Variants in PLCB2 observed in about 807,000 individuals in gnomAD.
The protein encoded by PLCB2 is 1-phosphatidylinositol 4,5-bisphosphate phosphodiesterase beta-2.
A neutral mutation model predicts 141.7 loss-of-function variants in PLCB2; 115 were observed. The observed-to-expected ratio is 0.81, with a 90% CI of 0.70 to 0.95. The LOEUF is 0.95. Ranked by LOEUF, PLCB2 falls within the 40% of genes least tolerant of loss-of-function variation. The pLI is 0.00. For missense variants in PLCB2, 1,403 were observed against 1,541.1 expected (o/e 0.91, Z 1.50); for synonymous variants, 603 against 595.6 (o/e 1.01, Z -0.18).
chr15:40,303,810 A>G (rs2040651285), intron 2 of PLCB2, 191 bp downstream of exon 2: 1 of 562,552 alleles, frequency 1.8e-6, no homozygotes, highest in Non-Finnish European at 3.2e-6. Context: ...TTGGGTAGCC[A>G]CAGGTTGGAG....
intron 19 of PLCB2, among the ~76,000 whole-genome samples, 196 bp from the exon 20 acceptor site, chr15:40,293,920 T>C (rs1480981693): frequency 2.0e-5 from 3 of 152,172 alleles, no homozygotes; most frequent in East Asian, 3.9e-4. Flanking sequence ...AGGGTGCTTC[T>C]AGCATGAAGG....
chr15:40,294,808 TG>T, intron 18 of PLCB2, 127 bp downstream of exon 18: 1 of 1,180,726 alleles, frequency 8.5e-7, no homozygotes, highest in Non-Finnish European at 1.2e-6. Flanking sequence ...CTCACGCACC[TG>T]GGCATGCTCC....
intron 25 of PLCB2, 36 bp from the exon 26 acceptor site, chr15:40,291,523 G>T: frequency 6.2e-7 from 1 of 1,601,644 alleles, no homozygotes; most frequent in Non-Finnish European, 8.5e-7. Context: ...CACCGGCCAG[G>T]CCGTCCTGCC....
intron 3 of PLCB2, 26 bp from the exon 4 acceptor site, chr15:40,302,635 G>A (rs1215824729): frequency 6.2e-7 from 1 of 1,612,758 alleles, no homozygotes; most frequent in African/African-American, 1.3e-5. Flanking sequence ...GTATGGTTAG[G>A]ATGGAGGTGT....
chr15:40,293,573 A>G lies in PLCB2; in HGVS notation c.2213T>C (p.Phe738Ser). 1 of 1,613,604 alleles carries G rather than the reference A, an allele frequency of 6.2e-7. No homozygotes were observed. Among genetic ancestry groups the G allele is most frequent in the Non-Finnish European group, 8.5e-7 (1 of 1,179,622 alleles). ...CCTGGCCCCCACCTTCTCAAAGACA[A>G]AGGGCTCCTCCTTCCAGACAGGATT... ...SINPVWKEEP[F>S]VFEKILMPEL... The change falls in exon 20 of 32, where the codon TTT becomes TCT. Residue 738 changes from phenylalanine (F) to serine (S), a missense_variant. Physicochemically the swap from Phe to Ser is radical, Grantham distance 155. Transcript: ENST00000260402.
Position 40,307,674 on chromosome 15 carries a change from G to T in PLCB2, c.-2C>A. On this transcript the variant is annotated 5_prime_UTR_variant, in exon 1 of 32. Coordinates refer to ENST00000260402, the MANE Select transcript of PLCB2 (RefSeq NM_004573.3). ...CAGGACAGGGTTGAGCAGAGACATG[G>T]TGCCAAGCGTTCCTCTTTGCAGAAT... 1 of 1,555,040 alleles carries T rather than the reference G, an allele frequency of 6.4e-7. No homozygotes were observed. Among genetic ancestry groups the T allele is most frequent in the East Asian group, 2.4e-5 (1 of 40,938 alleles).
chr15:40,291,960 C>T (rs1334756754), intron 23 of PLCB2, 36 bp from the exon 24 acceptor site: 3 of 1,611,216 alleles, frequency 1.9e-6, no homozygotes, highest in Admixed American at 3.3e-5. Flanking sequence ...GGTGGCTTGA[C>T]AGCCCTCTCT....
chr15:40,284,782 G>A (rs1788254704), downstream of PLCB2, among the ~76,000 whole-genome samples: 1 of 140,368 alleles, frequency 7.1e-6, no homozygotes, highest in Non-Finnish European at 1.5e-5. Context: ...AGAGGTTGCA[G>A]TGAGCCGAGA....
intron 4 of PLCB2, 28 bp downstream of exon 4, chr15:40,302,441 G>A (rs1344951476): frequency 6.2e-7 from 1 of 1,613,532 alleles, no homozygotes; most frequent in African/African-American, 1.3e-5. Context: ...CAGGGGCCCA[G>A]ACCCAGGCCC....
intron 14 of PLCB2, 33 bp downstream of exon 14, chr15:40,296,713 T>C (rs2040240150): frequency 3.7e-6 from 6 of 1,610,312 alleles, no homozygotes; most frequent in Non-Finnish European, 5.1e-6. Context: ...CAGATGCTCC[T>C]AATACCCCCC....
At chr15:40,289,144 G>A (rs936213) in intron 31 of PLCB2, 128 bp downstream of exon 31, 659,568 of 1,021,014 alleles carry the variant, frequency 0.65, 222,137 homozygotes, top group Non-Finnish European at 0.7. Flanking sequence ...AAAGGGCCTC[G>A]GGACCCCACA....
At chr15:40,301,352 C>G in intron 7 of PLCB2, 2 of 585,888 alleles carry the variant, frequency 3.4e-6, no homozygotes, top group Non-Finnish European at 6.1e-6. Flanking sequence ...AAGCCTAGCT[C>G]AGGGCCATAT....
At chr15:40,284,305 TGCCGGCA>T, downstream of PLCB2, 2 of 328,740 alleles carry the variant, frequency 6.1e-6, no homozygotes, top group South Asian at 4.6e-5. Context: ...CACATTTTGT[TGCCGGCA>T]GCGGGTAAGA....
chr15:40,287,868 A>G (rs774818034), downstream of PLCB2: 905 of 960,272 alleles, frequency 9.4e-4, no homozygotes, highest in Non-Finnish European at 1.1e-3. Flanking sequence ...CCCTGCCCCC[A>G]TTTTCTACCT....
Position 40,296,286 on chromosome 15 carries a change from GCTAA to G in PLCB2, c.1696+6_1696+9del. On this transcript the variant is annotated splice_donor_region_variant and intron_variant, in intron 16 of 31. Coordinates refer to ENST00000260402, the MANE Select transcript of PLCB2 (RefSeq NM_004573.3). ...TCTTACCCACCCGTAAGTTACTCAT[GCTAA>G]CTTACGGGCAGAGAACTCAAAGGAG... 6.2e-7 allele frequency: 1 copy of G among 1,600,580 alleles called. No individual in the cohort carries two copies. The highest frequency in any genetic ancestry group is 8.6e-7 in the Non-Finnish European group (1 of 1,169,090).
intron 1 of PLCB2, 130 bp from the exon 2 acceptor site, chr15:40,304,208 T>C (rs2040678813): frequency 1.5e-6 from 1 of 654,310 alleles, no homozygotes; most frequent in Admixed American, 2.4e-5. Context: ...GCATTTCCTT[T>C]TGTTGTCTAG....
At chr15:40,306,216 GC>G (rs1188439576) in intron 1 of PLCB2, among the ~76,000 whole-genome samples, 2 of 152,176 alleles carry the variant, frequency 1.3e-5, no homozygotes, top group African/African-American at 4.8e-5. Flanking sequence ...CACTAACTGT[GC>G]CAAAAGCAGC....
At chr15:40,291,799 G>A (rs1471897864) in intron 24 of PLCB2, 50 bp downstream of exon 24, 1 of 1,613,152 alleles carries the variant, frequency 6.2e-7, no homozygotes, top group East Asian at 2.2e-5. Context: ...AGTGCCTGTG[G>A]GTGCAGAGGT....
downstream of PLCB2, among the ~76,000 whole-genome samples, chr15:40,287,208 T>C (rs981494776): frequency 6.6e-6 from 1 of 152,054 alleles, no homozygotes; most frequent in Non-Finnish European, 1.5e-5. Flanking sequence ...CTTAGCCCAG[T>C]AAATGATCAG....
Sources: allele counts gnomAD v4.1 joint callset (sites outside exome capture counted in the v4.1 genomes callset), GRCh38; gene constraint gnomAD v4.1.1; transcripts MANE v1.5; gene names NCBI Gene and HGNC (gene_info 2026-07-23, HGNC 2026-07-21).